The following AGBL4 variants were observed in gnomAD, a reference collection of about 807,000 sequenced individuals.
AGBL4 encodes AGBL carboxypeptidase 4.
In AGBL4, 58 loss-of-function variants were observed where a neutral mutation model predicts 66.4. The ratio of observed to expected loss-of-function variants is 0.87; its 90% CI spans 0.71 to 1.09. The LOEUF (loss-of-function observed/expected upper bound fraction) is 1.09, where lower values mean the gene tolerates loss of function less well. Ranked by LOEUF, AGBL4 falls within the 50% of genes least tolerant of loss-of-function variation. The pLI, the probability that AGBL4 is intolerant of heterozygous loss-of-function variation, is 0.00. For synonymous variants in AGBL4, 234 were observed against 222.9 expected, an observed-to-expected ratio of 1.05 and a Z score of -0.44; for missense variants, 579 against 631.0, an observed-to-expected ratio of 0.92 and a Z score of 0.88.
rs113588215 is a variant in AGBL4, at chr1:48,971,314, G to T, written c.594+74270C>A. Among the ~76,000 whole-genome samples, 946 of 152,218 alleles carry T rather than the reference G, an allele frequency of 6.2e-3. 19 individuals carry two copies. The highest frequency in any genetic ancestry group is 0.021 in the African/African-American group (868 of 41,540). On this transcript the variant is annotated intron_variant, in intron 5 of 13. Coordinates refer to ENST00000371839, the MANE Select transcript of AGBL4 (RefSeq NM_032785.4). ...GATCTGGGTTGTGTGCTCGTTATGA[G>T]AATCCAATGCCTGATGATCTGAGGT...
chr1:49,340,071 A>G (rs1393196799), intron 3 of AGBL4, among the ~76,000 whole-genome samples: 2 of 152,208 alleles, frequency 1.3e-5, no homozygotes, highest in African/African-American at 2.4e-5. Flanking sequence ...AAGCTTGGAC[A>G]TAAAATTCCA....
At chr1:49,711,187 A>G (rs1207773893) in intron 2 of AGBL4, among the ~76,000 whole-genome samples, 1 of 152,108 alleles carries the variant, frequency 6.6e-6, no homozygotes, top group Non-Finnish European at 1.5e-5. Context: ...ACCATTTGAT[A>G]ATTTCTCATA....
chr1:49,509,178 G>A (rs987533300), intron 3 of AGBL4, among the ~76,000 whole-genome samples: 17 of 151,766 alleles, frequency 1.1e-4, no homozygotes, highest in African/African-American at 4.1e-4. Context: ...AGGCTTGAAC[G>A]ACGGATTAGA....
chr1:48,726,906 G>T (rs1229604975), intron 6 of AGBL4, among the ~76,000 whole-genome samples: 2 of 152,204 alleles, frequency 1.3e-5, no homozygotes, highest in Non-Finnish European at 2.9e-5. Flanking sequence ...ACTCAGAGAG[G>T]ACAGGTTAAG....
intron 3 of AGBL4, among the ~76,000 whole-genome samples, chr1:49,515,652 TG>T (rs1649733912): frequency 6.6e-6 from 1 of 151,498 alleles, no homozygotes; most frequent in Non-Finnish European, 1.5e-5. Flanking sequence ...TGTCCAACAA[TG>T]ATAGACTGGA....
At chr1:49,103,613 C>T (rs528985085) in intron 4 of AGBL4, among the ~76,000 whole-genome samples, 2 of 152,242 alleles carry the variant, frequency 1.3e-5, no homozygotes, top group African/African-American at 4.8e-5. Flanking sequence ...CCTAATCTCA[C>T]ATCTCTCTGT....
chr1:49,066,158 C>T (rs1056063742), intron 4 of AGBL4, among the ~76,000 whole-genome samples: 36 of 152,270 alleles, frequency 2.4e-4, no homozygotes, highest in African/African-American at 8.7e-4. Context: ...GAGAGCATGG[C>T]TTGTATCAGT....
intron 3 of AGBL4, among the ~76,000 whole-genome samples, chr1:49,341,541 G>C (rs1645538889): frequency 6.6e-6 from 1 of 152,106 alleles, no homozygotes; most frequent in South Asian, 2.1e-4. Flanking sequence ...AGACACAGGG[G>C]GTTAGAGGCC....
intron 3 of AGBL4, among the ~76,000 whole-genome samples, chr1:49,295,477 T>C (rs1644624491): frequency 6.6e-6 from 1 of 152,120 alleles, no homozygotes; most frequent in Non-Finnish European, 1.5e-5. Flanking sequence ...ATATAAAACA[T>C]TTCAGACAGA....
At chr1:49,989,615 TC>T (rs1316703526) in intron 1 of AGBL4, among the ~76,000 whole-genome samples, 1 of 152,200 alleles carries the variant, frequency 6.6e-6, no homozygotes, top group Non-Finnish European at 1.5e-5. Flanking sequence ...TCAATGAATG[TC>T]CTCTATTTAG....
At chr1:49,976,555 C>A (rs985019038) in intron 1 of AGBL4, among the ~76,000 whole-genome samples, 2 of 151,928 alleles carry the variant, frequency 1.3e-5, no homozygotes, top group African/African-American at 4.8e-5. Context: ...TTTTGGAAAC[C>A]CTGAGCCATT....
chr1:49,543,626 T>C (rs560962283), intron 3 of AGBL4, among the ~76,000 whole-genome samples: 10 of 152,316 alleles, frequency 6.6e-5, no homozygotes, highest in African/African-American at 2.4e-4. Flanking sequence ...ATGGGTTATC[T>C]TGTAAAGCCA....
chr1:48,915,535 T>C (rs543535364), intron 5 of AGBL4, among the ~76,000 whole-genome samples: 2 of 152,310 alleles, frequency 1.3e-5, no homozygotes, highest in South Asian at 4.1e-4. Flanking sequence ...ATATCACCAA[T>C]ATGTGGCATA....
At chr1:48,595,215 A>G (rs1644977782) in intron 9 of AGBL4, among the ~76,000 whole-genome samples, 1 of 152,166 alleles carries the variant, frequency 6.6e-6, no homozygotes. Flanking sequence ...ACATGAGATG[A>G]TAATCTTTTA....
At chr1:48,850,989 A>G (rs1343188135) in intron 6 of AGBL4, among the ~76,000 whole-genome samples, 1 of 152,146 alleles carries the variant, frequency 6.6e-6, no homozygotes, top group South Asian at 2.1e-4. Context: ...TCAGATGCCT[A>G]CTTCATATGG....
intron 3 of AGBL4, among the ~76,000 whole-genome samples, chr1:49,434,683 AGTGGTG>A (rs1281756367): frequency 1.4e-5 from 2 of 141,530 alleles, no homozygotes; most frequent in Admixed American, 1.4e-4. Flanking sequence ...TAGTGGTGGT[AGTGGTG>A]GTGGTGGTGG....
chr1:49,785,572 TATTTCAGGG>T (rs1315864622), intron 2 of AGBL4, among the ~76,000 whole-genome samples: 1 of 152,006 alleles, frequency 6.6e-6, no homozygotes, highest in Non-Finnish European at 1.5e-5. Context: ...ATTAATATCC[TATTTCAGGG>T]TGGCAATGAT....
intron 3 of AGBL4, among the ~76,000 whole-genome samples, chr1:49,399,144 G>A (rs573494118): frequency 1.1e-4 from 16 of 152,012 alleles, no homozygotes; most frequent in South Asian, 4.2e-4. Context: ...AATGACCTCC[G>A]GAGCTCCATT....
intron 6 of AGBL4, among the ~76,000 whole-genome samples, chr1:48,664,136 G>C (rs1646149791): frequency 6.6e-6 from 1 of 152,160 alleles, no homozygotes; most frequent in African/African-American, 2.4e-5. Flanking sequence ...GGGGTATCCT[G>C]AGCAAAGCAA....
Sources: gnomAD v4.1 joint callset for allele counts (sites outside exome capture counted in the v4.1 genomes callset) on GRCh38, gnomAD v4.1.1 for gene constraint, MANE v1.5 for transcripts, NCBI Gene and HGNC (gene_info 2026-07-23, HGNC 2026-07-21) for gene names.